The following GREB1L variants were observed in gnomAD, a reference collection of about 807,000 sequenced individuals.
GREB1L encodes the protein GREB1-like protein.
GREB1L carries 17 observed loss-of-function variants against 200.8 expected under a neutral mutation model. The ratio of observed to expected loss-of-function variants is 0.08; its 90% CI spans 0.06 to 0.13. The LOEUF is 0.13. Ranked by LOEUF, GREB1L falls within the 10% of genes least tolerant of loss-of-function variation. GREB1L has a pLI of 1.00. For missense variants in GREB1L, 1,657 were observed against 2,367.7 expected, an observed-to-expected ratio of 0.70 and a Z score of 6.23; for synonymous variants, 789 against 893.0, an observed-to-expected ratio of 0.88 and a Z score of 2.08.
chr18:21,404,972 C>T (rs1168471692), intron 7 of GREB1L, among the ~76,000 whole-genome samples: 1 of 152,154 alleles, frequency 6.6e-6, no homozygotes, highest in Non-Finnish European at 1.5e-5. Context: ...ATGAGCTGGT[C>T]AATTGTTTCT....
At chr18:21,423,327 A>G (rs533306039) in intron 7 of GREB1L, among the ~76,000 whole-genome samples, 72 of 152,302 alleles carry the variant, frequency 4.7e-4, no homozygotes, top group Admixed American at 8.5e-4. Context: ...CTCTAAGTTC[A>G]TAACCTTTAC....
At chr18:21,298,901 C>T (rs2038572466) in intron 1 of GREB1L, among the ~76,000 whole-genome samples, 1 of 151,814 alleles carries the variant, frequency 6.6e-6, no homozygotes, top group African/African-American at 2.4e-5. Context: ...TGCCACTGTA[C>T]CCCAGCCTGA....
chr18:21,284,448 C>T (rs182039624), intron 1 of GREB1L, among the ~76,000 whole-genome samples: 111 of 152,202 alleles, frequency 7.3e-4, no homozygotes, highest in African/African-American at 2.6e-3. Flanking sequence ...GCTTTTGTGA[C>T]GGGCTTCTTT....
At chr18:21,447,346 G>T (rs1470062641) in intron 11 of GREB1L, among the ~76,000 whole-genome samples, 1 of 152,070 alleles carries the variant, frequency 6.6e-6, no homozygotes, top group Non-Finnish European at 1.5e-5. Flanking sequence ...AGTGATAGTT[G>T]ATTTTTGGAA....
chr18:21,476,786 C>A (rs1158959680), intron 16 of GREB1L, among the ~76,000 whole-genome samples: 1 of 151,710 alleles, frequency 6.6e-6, no homozygotes, highest in Admixed American at 6.6e-5. Flanking sequence ...ACCATGTTGG[C>A]CAGGCTGGTC....
chr18:21,331,421 C>T (rs1363261928), intron 1 of GREB1L, among the ~76,000 whole-genome samples: 3 of 152,176 alleles, frequency 2.0e-5, no homozygotes, highest in African/African-American at 7.2e-5. Flanking sequence ...ATTAATTATG[C>T]TCGTGTGAGA....
chr18:21,471,379 A>AT (rs1200829532), intron 15 of GREB1L, among the ~76,000 whole-genome samples: 1 of 152,142 alleles, frequency 6.6e-6, no homozygotes, highest in Admixed American at 6.6e-5. Flanking sequence ...CACTTCAGAG[A>AT]TTAAGTAGGT....
intron 7 of GREB1L, among the ~76,000 whole-genome samples, chr18:21,414,569 A>G (rs1419879064): frequency 6.6e-6 from 1 of 152,196 alleles, no homozygotes; most frequent in East Asian, 1.9e-4. Context: ...GTAGATGATA[A>G]CATAACTAGA....
At chr18:21,501,818 C>T (rs1392505035) in intron 23 of GREB1L, among the ~76,000 whole-genome samples, 1 of 152,168 alleles carries the variant, frequency 6.6e-6, no homozygotes, top group East Asian at 1.9e-4. Flanking sequence ...TGAATGCTGG[C>T]ACTATGAACA....
chr18:21,425,966 T>A (rs1210743447), intron 7 of GREB1L, among the ~76,000 whole-genome samples: 2 of 152,168 alleles, frequency 1.3e-5, no homozygotes, highest in African/African-American at 2.4e-5. Context: ...TAATCCATGG[T>A]CATGAAAATT....
At chr18:21,521,586 T>G (rs1382766740) in intron 32 of GREB1L, among the ~76,000 whole-genome samples, 1 of 151,212 alleles carries the variant, frequency 6.6e-6, no homozygotes, top group African/African-American at 2.4e-5. Flanking sequence ...GATGGGGGAG[T>G]GGTAGATTTT....
chr18:21,363,628 G>A (rs1381502349), intron 1 of GREB1L: 4 of 152,110 alleles, frequency 2.6e-5, no homozygotes, highest in African/African-American at 9.7e-5. Flanking sequence ...GGCATTACAA[G>A]ATGGATGGGT....
chr18:21,329,979 G>GC (rs1041050960), intron 1 of GREB1L, among the ~76,000 whole-genome samples: 1 of 149,312 alleles, frequency 6.7e-6, no homozygotes, highest in African/African-American at 2.5e-5. Flanking sequence ...TGGGGGGGGG[G>GC]GGTCTTTATC....
In GREB1L at chr18:21,285,435, T is replaced by G. The variant is rs139690311; in HGVS notation, c.-120+43042T>G. Among the ~76,000 whole-genome samples, 134 of 152,284 alleles carry G rather than the reference T, an allele frequency of 8.8e-4. 1 individual carries two copies. Among genetic ancestry groups the G allele is most frequent in the African/African-American group, 3.1e-3 (127 of 41,562 alleles). On this transcript the variant is annotated intron_variant, in intron 1 of 32. Transcript: ENST00000424526. Reference sequence around the variant, plus strand: ...TTTATGGTACAAACATCTGTCAACATAGTTGAAAGCACATGAATTTTTGAG... The same window carrying G: ...TTTATGGTACAAACATCTGTCAACAGAGTTGAAAGCACATGAATTTTTGAG...
At chr18:21,522,082 A>G (rs1199661769) in intron 32 of GREB1L, among the ~76,000 whole-genome samples, 1 of 151,508 alleles carries the variant, frequency 6.6e-6, no homozygotes, top group African/African-American at 2.4e-5. Flanking sequence ...AGGTTCAGAA[A>G]CCCTAATCTA....
At chr18:21,422,762 A>G (rs530384631) in intron 7 of GREB1L, among the ~76,000 whole-genome samples, 5 of 152,312 alleles carry the variant, frequency 3.3e-5, no homozygotes, top group Admixed American at 2.6e-4. Context: ...TTTCTCACAT[A>G]TATATAAATG....
intron 1 of GREB1L, among the ~76,000 whole-genome samples, chr18:21,315,420 T>C (rs1216804021): frequency 6.6e-6 from 1 of 152,190 alleles, no homozygotes; most frequent in Non-Finnish European, 1.5e-5. Context: ...TTAAGAATTT[T>C]TGCCCTTTGG....
chr18:21,324,606 C>T (rs1262756845), intron 1 of GREB1L, among the ~76,000 whole-genome samples: 9 of 152,136 alleles, frequency 5.9e-5, no homozygotes, highest in African/African-American at 2.2e-4. Context: ...GTCAGGAGAT[C>T]GAGAACATCC....
At chr18:21,242,960 C>T (rs1242627308) in intron 1 of GREB1L, among the ~76,000 whole-genome samples, 2 of 152,132 alleles carry the variant, frequency 1.3e-5, no homozygotes, top group African/African-American at 4.8e-5. Flanking sequence ...TGGCTGGGCG[C>T]TCGCTCGGCG....
Sources: allele counts gnomAD v4.1 joint callset (sites outside exome capture counted in the v4.1 genomes callset), GRCh38; gene constraint gnomAD v4.1.1; transcripts MANE v1.5; gene names NCBI Gene and HGNC (gene_info 2026-07-23, HGNC 2026-07-21).